PRELID2: variants seen among roughly 807,000 people sequenced by gnomAD.
PRELID2 encodes PRELI domain-containing protein 2.
A neutral mutation model predicts 28.4 loss-of-function variants in PRELID2; 25 were observed. The ratio of observed to expected loss-of-function variants is 0.88; its 90% CI spans 0.64 to 1.23. The LOEUF (loss-of-function observed/expected upper bound fraction) is 1.23. Ranked by LOEUF, PRELID2 falls within the 50% of genes most tolerant of loss-of-function variation. PRELID2 has a pLI of 0.00. For synonymous variants in PRELID2, 76 were observed against 71.6 expected, an observed-to-expected ratio of 1.06 and a Z score of -0.31; for missense variants, 201 against 214.4, an observed-to-expected ratio of 0.94 and a Z score of 0.39.
intron 1 of PRELID2, among the ~76,000 whole-genome samples, chr5:145,542,246 G>GTGC (rs746889897): frequency 1.1e-4 from 17 of 152,070 alleles, no homozygotes; most frequent in Non-Finnish European, 2.4e-4. Context: ...TGACTGCAGT[G>GTGC]TGCTCCCAGC....
the PRELID2 span, among the ~76,000 whole-genome samples, chr5:145,257,924 T>TAAAC: frequency 3.3e-5 from 5 of 152,172 alleles, no homozygotes; most frequent in Non-Finnish European, 7.3e-5. Flanking sequence ...ATGCATGGTT[T>TAAAC]AGCATCATTC....
In PRELID2 at chr5:145,510,462, G is replaced by C. The variant is rs556827756; in HGVS notation, n.71-37147C>G. On this transcript the variant is annotated intron_variant and non_coding_transcript_variant, in intron 1 of 2. Transcript: ENST00000510259. ...CGGCCTGCAGTAAGAGGCCTCAGAGGGGGAGGCATTCTTGCCTGGATCTTA... is the reference window on the plus strand; with the variant it reads ...CGGCCTGCAGTAAGAGGCCTCAGAGCGGGAGGCATTCTTGCCTGGATCTTA... Among the ~76,000 whole-genome samples the C allele has an allele frequency of 1.6e-4, 24 of 152,280 alleles. No homozygotes were observed. In the East Asian group the frequency reaches 3.1e-3, roughly 20 times the overall value.
At chr5:145,300,710 T>TTG in the PRELID2 span, among the ~76,000 whole-genome samples, 1 of 150,678 alleles carries the variant, frequency 6.6e-6, no homozygotes, top group Non-Finnish European at 1.5e-5. Flanking sequence ...CTTTTTTTTT[T>TTG]TTTTTTTGCA....
At chr5:145,808,111 G>C (rs977681552) in intron 4 of PRELID2, among the ~76,000 whole-genome samples, 1 of 152,122 alleles carries the variant, frequency 6.6e-6, no homozygotes, top group Non-Finnish European at 1.5e-5. Flanking sequence ...GGAAATCAAG[G>C]TTAATATGAG....
At chr5:145,342,549 G>A in the PRELID2 span, among the ~76,000 whole-genome samples, 1 of 151,948 alleles carries the variant, frequency 6.6e-6, no homozygotes, top group Admixed American at 6.6e-5. Flanking sequence ...AAATGTGGTT[G>A]GATAAATTTT....
chr5:145,801,594 T>A (rs1037537435), intron 4 of PRELID2, among the ~76,000 whole-genome samples: 1 of 152,208 alleles, frequency 6.6e-6, no homozygotes, highest in African/African-American at 2.4e-5. Context: ...CTGAGGTTGC[T>A]ATGCTTTGAA....
At chr5:145,461,239 G>T in the PRELID2 span, among the ~76,000 whole-genome samples, 1 of 152,278 alleles carries the variant, frequency 6.6e-6, no homozygotes, top group East Asian at 1.9e-4. Context: ...TGTATGTTTA[G>T]AATTGATTGG....
At chr5:145,431,948 C>T in the PRELID2 span, among the ~76,000 whole-genome samples, 2 of 152,060 alleles carry the variant, frequency 1.3e-5, no homozygotes, top group Non-Finnish European at 2.9e-5. Context: ...AAATATCCAT[C>T]AACAGAGAAG....
chr5:145,435,920 A>G, the PRELID2 span, among the ~76,000 whole-genome samples: 2 of 152,134 alleles, frequency 1.3e-5, no homozygotes, highest in Non-Finnish European at 1.5e-5. Flanking sequence ...AAAGATACCT[A>G]ACTTACAAGA....
chr5:145,608,654 C>T (rs930320445), intron 1 of PRELID2, among the ~76,000 whole-genome samples: 7 of 152,156 alleles, frequency 4.6e-5, no homozygotes, highest in African/African-American at 1.4e-4. Context: ...TGCCCCTTCT[C>T]CCTAGCTCCC....
chr5:145,773,541 C>T (rs1758232839), intron 5 of PRELID2, among the ~76,000 whole-genome samples: 1 of 152,198 alleles, frequency 6.6e-6, no homozygotes, highest in Non-Finnish European at 1.5e-5. Context: ...CATCTGTTGC[C>T]TGCTGGAAAC....
intron 5 of PRELID2, among the ~76,000 whole-genome samples, chr5:145,791,472 C>CA (rs1752390604): frequency 6.6e-6 from 1 of 152,096 alleles, no homozygotes. Flanking sequence ...ATGCCAGTCA[C>CA]AAAAAGACAA....
the PRELID2 span, among the ~76,000 whole-genome samples, chr5:145,269,053 G>A: frequency 6.6e-6 from 1 of 151,984 alleles, no homozygotes; most frequent in Non-Finnish European, 1.5e-5. Flanking sequence ...AGAAAGATAT[G>A]CCACTTTTAT....
chr5:145,462,311 T>C, the PRELID2 span, among the ~76,000 whole-genome samples: 1 of 152,142 alleles, frequency 6.6e-6, no homozygotes, highest in African/African-American at 2.4e-5. Context: ...ACTTCCCAAA[T>C]ACAAAATTGG....
At chr5:145,391,509 C>G in the PRELID2 span, among the ~76,000 whole-genome samples, 1 of 152,156 alleles carries the variant, frequency 6.6e-6, no homozygotes, top group Non-Finnish European at 1.5e-5. Context: ...TGGCCTGGCC[C>G]TGGAAACCAT....
chr5:145,674,131 T>G (rs892360300), intron 1 of PRELID2, among the ~76,000 whole-genome samples: 8 of 152,218 alleles, frequency 5.3e-5, no homozygotes, highest in African/African-American at 1.9e-4. Flanking sequence ...AGATGGTTTT[T>G]CAAACCTACA....
At chr5:145,229,943 C>T in the PRELID2 span, 60 of 746,786 alleles carry the variant, frequency 8.0e-5, no homozygotes, top group African/African-American at 6.0e-4. Flanking sequence ...AGCTGATGAG[C>T]GTGAACGTGC....
the PRELID2 span, among the ~76,000 whole-genome samples, chr5:145,460,377 A>G: frequency 2.6e-5 from 4 of 152,194 alleles, no homozygotes; most frequent in Non-Finnish European, 1.5e-5. Context: ...TAGATTCCAA[A>G]ATAAATTATC....
rs1754188141 is a variant in PRELID2 at position 145,645,888 on chromosome 5, G to T, written n.70+119043C>A. Among the ~76,000 whole-genome samples the T allele has an allele frequency of 2.0e-5, 3 of 151,754 alleles. No individual in the cohort carries two copies. The South Asian group carries it at 6.2e-4, about 31-fold the overall frequency. On this transcript the variant is annotated intron_variant and non_coding_transcript_variant, in intron 1 of 2. Transcript: ENST00000510259. The stretch of plus-strand genomic sequence containing the variant: ...CTCTCTTCCAGCTTGTAGGGTTTCT[G>T]CAGAAAAGATCCGCTGTTAATCTGA...
Sources: gnomAD v4.1 joint callset for allele counts (sites outside exome capture counted in the v4.1 genomes callset) on GRCh38, gnomAD v4.1.1 for gene constraint, MANE v1.5 for transcripts, NCBI Gene and HGNC (gene_info 2026-07-23, HGNC 2026-07-21) for gene names.